GPC5: variants seen among roughly 807,000 people sequenced by gnomAD.
The protein encoded by GPC5 is glypican-5.
GPC5 carries 47 observed loss-of-function variants against 53.9 expected under a neutral mutation model. The observed-to-expected ratio is 0.87, with a 90% CI of 0.69 to 1.11. The LOEUF is 1.11. GPC5 is among the 50% of genes most tolerant of loss of function. The pLI, the probability that GPC5 is intolerant of heterozygous loss-of-function variation, is 0.00. For missense variants in GPC5, 748 were observed against 713.1 expected (o/e 1.05, Z -0.56); for synonymous variants, 286 against 263.3 (o/e 1.09, Z -0.84).
At chr13:92,135,535 C>T (rs746698851) in intron 6 of GPC5, among the ~76,000 whole-genome samples, 9 of 151,964 alleles carry the variant, frequency 5.9e-5, no homozygotes, top group Non-Finnish European at 7.4e-5. Context: ...CATTTTGAAC[C>T]GGAGGTAAGG....
At chr13:92,698,101 C>T (rs1887611772) in intron 7 of GPC5, among the ~76,000 whole-genome samples, 1 of 151,996 alleles carries the variant, frequency 6.6e-6, no homozygotes, top group Non-Finnish European at 1.5e-5. Context: ...ATTGGCTTGC[C>T]AGTATTTTAT....
intron 2 of GPC5, among the ~76,000 whole-genome samples, chr13:91,670,515 G>A (rs1488881976): frequency 2.6e-5 from 4 of 152,220 alleles, no homozygotes; most frequent in South Asian, 2.1e-4. Flanking sequence ...GGAGATTAAA[G>A]CAAAACAAAA....
At chr13:92,156,419 G>T (rs913171702) in intron 7 of GPC5, among the ~76,000 whole-genome samples, 2 of 152,112 alleles carry the variant, frequency 1.3e-5, no homozygotes, top group Non-Finnish European at 1.5e-5. Flanking sequence ...AATCCTGTGG[G>T]TTCTGTTGTT....
intron 6 of GPC5, among the ~76,000 whole-genome samples, chr13:91,976,236 A>C (rs1027964249): frequency 3.9e-5 from 6 of 152,222 alleles, no homozygotes; most frequent in African/African-American, 1.4e-4. Flanking sequence ...ACTAACCTGC[A>C]CGTTGTGCAC....
intron 5 of GPC5, among the ~76,000 whole-genome samples, chr13:91,891,461 C>A (rs1039422392): frequency 6.6e-6 from 1 of 152,078 alleles, no homozygotes; most frequent in African/African-American, 2.4e-5. Flanking sequence ...CGATTGTATC[C>A]TTCTATAAAG....
At chr13:91,816,341 C>T (rs1221214908) in intron 5 of GPC5, among the ~76,000 whole-genome samples, 1 of 152,008 alleles carries the variant, frequency 6.6e-6, no homozygotes, top group Non-Finnish European at 1.5e-5. Context: ...GGAGGATTCT[C>T]GGTTGTGCTT....
At chr13:92,192,978 C>G (rs923304576) in intron 7 of GPC5, among the ~76,000 whole-genome samples, 1 of 152,068 alleles carries the variant, frequency 6.6e-6, no homozygotes, top group Non-Finnish European at 1.5e-5. Context: ...AGTTTGAGAC[C>G]AGCCTGGCCA....
intron 2 of GPC5, among the ~76,000 whole-genome samples, chr13:91,592,599 C>T (rs2032842915): frequency 6.6e-6 from 1 of 152,210 alleles, no homozygotes; most frequent in South Asian, 2.1e-4. Context: ...TCCTCTCCTG[C>T]TCTGGTGCTG....
chr13:91,723,189 G>A (rs1594480691), intron 3 of GPC5, among the ~76,000 whole-genome samples: 1 of 150,416 alleles, frequency 6.6e-6, no homozygotes, highest in South Asian at 2.1e-4. Context: ...CATTTCTATT[G>A]ATACAAACGT....
chr13:91,623,674 A>T lies in GPC5; in HGVS notation c.326-69513A>T, dbSNP rs114262306. The stretch of plus-strand genomic sequence containing the variant: ...TTAGTATAATTTCATATGTAAAAAA[A>T]TCTGAATTTGGCATTGGCAGGCTTC... On this transcript the variant is annotated intron_variant, in intron 2 of 7. Transcript: ENST00000377067. 7.3e-3 allele frequency among the ~76,000 whole-genome samples: 1,113 copies of T among 152,276 alleles called. 12 individuals are homozygous for T. The highest frequency in any genetic ancestry group is 0.025 in the African/African-American group (1,060 of 41,572).
intron 2 of GPC5, among the ~76,000 whole-genome samples, chr13:91,514,757 C>T (rs1427394219): frequency 1.3e-5 from 2 of 152,038 alleles, no homozygotes; most frequent in African/African-American, 4.8e-5. Flanking sequence ...GTTTTACTTG[C>T]TCTAGGAGGT....
chr13:92,656,207 A>G (rs753692759), intron 7 of GPC5, among the ~76,000 whole-genome samples: 1 of 152,226 alleles, frequency 6.6e-6, no homozygotes, highest in Non-Finnish European at 1.5e-5. Flanking sequence ...GTTTAGGCAG[A>G]TACAAGCCTG....
At chr13:92,603,834 A>G (rs1884163385) in intron 7 of GPC5, among the ~76,000 whole-genome samples, 1 of 152,166 alleles carries the variant, frequency 6.6e-6, no homozygotes, top group South Asian at 2.1e-4. Context: ...TCCATAGCCA[A>G]AACTACATCA....
chr13:91,643,661 G>T (rs1361051792), intron 2 of GPC5, among the ~76,000 whole-genome samples: 1 of 152,176 alleles, frequency 6.6e-6, no homozygotes, highest in Non-Finnish European at 1.5e-5. Context: ...AGACCGATCT[G>T]CTTCATGCTT....
intron 7 of GPC5, among the ~76,000 whole-genome samples, chr13:92,709,039 T>C (rs1888045895): frequency 6.7e-6 from 1 of 148,910 alleles, no homozygotes; most frequent in South Asian, 2.2e-4. Flanking sequence ...CCCACCACCA[T>C]CTGGCTAATT....
intron 7 of GPC5, among the ~76,000 whole-genome samples, chr13:92,395,098 A>T (rs1875201076): frequency 6.6e-6 from 1 of 152,112 alleles, no homozygotes; most frequent in African/African-American, 2.4e-5. Flanking sequence ...GGTGTATTAA[A>T]CCATTAGTAC....
At chr13:91,572,022 CGT>C (rs1460411421) in intron 2 of GPC5, among the ~76,000 whole-genome samples, 5 of 123,794 alleles carry the variant, frequency 4.0e-5, no homozygotes, top group African/African-American at 1.0e-4. Flanking sequence ...TATGCATATA[CGT>C]GTGTATATAT....
chr13:92,771,690 A>G (rs1030168379), intron 7 of GPC5, among the ~76,000 whole-genome samples: 12 of 152,084 alleles, frequency 7.9e-5, no homozygotes, highest in Admixed American at 5.9e-4. Context: ...ATACCTCTAG[A>G]CGACAATTTT....
intron 7 of GPC5, among the ~76,000 whole-genome samples, chr13:92,554,769 A>C (rs1882436061): frequency 6.6e-6 from 1 of 150,992 alleles, no homozygotes; most frequent in African/African-American, 2.4e-5. Context: ...ATTTGATAGA[A>C]AATATTATAT....
Sources: gnomAD v4.1 joint callset for allele counts (sites outside exome capture counted in the v4.1 genomes callset) on GRCh38, gnomAD v4.1.1 for gene constraint, MANE v1.5 for transcripts, NCBI Gene and HGNC (gene_info 2026-07-23, HGNC 2026-07-21) for gene names.